CRPPA: variants seen among roughly 807,000 people sequenced by gnomAD.
CRPPA encodes the protein D-ribitol-5-phosphate cytidylyltransferase.
CRPPA carries 43 observed loss-of-function variants against 52.0 expected under a neutral mutation model. The observed-to-expected ratio is 0.83, with a 90% confidence interval of 0.65 to 1.07. The LOEUF is 1.07. CRPPA is among the 50% of genes least tolerant of loss of function. The pLI, the probability that CRPPA is intolerant of heterozygous loss-of-function variation, is 0.00. For synonymous variants in CRPPA, 250 were observed against 203.5 expected, an observed-to-expected ratio of 1.23 and a Z score of -1.94; for missense variants, 629 against 551.7, an observed-to-expected ratio of 1.14 and a Z score of -1.40.
At chr7:16,200,057 C>T (rs1186323401) in intron 9 of CRPPA, among the ~76,000 whole-genome samples, 1 of 152,002 alleles carries the variant, frequency 6.6e-6, no homozygotes, top group African/African-American at 2.4e-5. Flanking sequence ...GGGATTTTAC[C>T]ATGTTGGCCA....
In CRPPA at chr7:16,245,836, A is replaced by G. The variant is rs770791168; in HGVS notation, c.1119+12554T>C. On this transcript the variant is annotated intron_variant, in intron 8 of 9. Transcript: ENST00000407010. ...CCGTTACGTGCACAATAGCATTATG[A>G]CCAAACAATAATATACATATCTTAA... 5.0e-4 allele frequency among the ~76,000 whole-genome samples: 76 copies of G among 152,180 alleles called. 1 individual carries two copies. The highest frequency in any genetic ancestry group is 1.8e-3 in the Admixed American group (28 of 15,272).
intron 2 of CRPPA, among the ~76,000 whole-genome samples, chr7:16,392,954 G>A (rs750931807): frequency 6.6e-6 from 1 of 151,886 alleles, no homozygotes; most frequent in Non-Finnish European, 1.5e-5. Flanking sequence ...AACATTTCTT[G>A]ACCACTTTTT....
chr7:16,094,994 G>T (rs888632737), intron 9 of CRPPA, among the ~76,000 whole-genome samples: 1 of 152,112 alleles, frequency 6.6e-6, no homozygotes, highest in Non-Finnish European at 1.5e-5. Flanking sequence ...TATGCACTTT[G>T]TTAATAATAA....
chr7:16,359,630 A>G (rs1178829073), intron 3 of CRPPA, among the ~76,000 whole-genome samples: 1 of 152,196 alleles, frequency 6.6e-6, no homozygotes, highest in Non-Finnish European at 1.5e-5. Flanking sequence ...TATGCCTTTC[A>G]GTTAATTTTT....
chr7:16,191,742 T>C (rs1781616821), intron 9 of CRPPA, among the ~76,000 whole-genome samples: 1 of 152,108 alleles, frequency 6.6e-6, no homozygotes. Context: ...CCTTCAAATA[T>C]TTGGCTAAAT....
chr7:16,383,805 C>T (rs377510814), intron 2 of CRPPA, among the ~76,000 whole-genome samples: 10 of 152,342 alleles, frequency 6.6e-5, no homozygotes, highest in Admixed American at 2.0e-4. Flanking sequence ...AAGCCATGTG[C>T]GGGATATAAT....
intron 3 of CRPPA, among the ~76,000 whole-genome samples, chr7:16,328,211 T>C (rs933743024): frequency 2.0e-5 from 3 of 152,186 alleles, no homozygotes; most frequent in Admixed American, 6.5e-5. Context: ...CTGTAGTTTG[T>C]TGTTTTATTT....
chr7:16,266,485 T>G (rs1783956811), intron 6 of CRPPA, among the ~76,000 whole-genome samples: 1 of 150,738 alleles, frequency 6.6e-6, no homozygotes, highest in Non-Finnish European at 1.5e-5. Flanking sequence ...TGTTTTTCTT[T>G]TTTTTTTTTT....
At chr7:16,209,273 C>CTTTT (rs34795937) in intron 9 of CRPPA, 36 of 123,088 alleles carry the variant, frequency 2.9e-4, no homozygotes, top group South Asian at 1.3e-3. Flanking sequence ...TTCTAAGTGT[C>CTTTT]TTTTTTTTTT....
chr7:16,402,417 G>C (rs919403418), intron 2 of CRPPA, among the ~76,000 whole-genome samples: 1 of 152,142 alleles, frequency 6.6e-6, no homozygotes, highest in Non-Finnish European at 1.5e-5. Context: ...CAGAAATCCT[G>C]ATGATAAAGT....
At chr7:16,196,140 T>C (rs888856957) in intron 9 of CRPPA, among the ~76,000 whole-genome samples, 1 of 152,202 alleles carries the variant, frequency 6.6e-6, no homozygotes, top group African/African-American at 2.4e-5. Flanking sequence ...ATATGTTGTC[T>C]TTTTTACTTT....
intron 4 of CRPPA, among the ~76,000 whole-genome samples, chr7:16,306,675 T>C (rs555632905): frequency 2.6e-5 from 4 of 152,292 alleles, no homozygotes; most frequent in African/African-American, 9.6e-5. Context: ...TTCTTGGTCT[T>C]CAAATTAGGT....
intron 9 of CRPPA, among the ~76,000 whole-genome samples, chr7:16,169,902 G>T (rs1781143111): frequency 6.6e-6 from 1 of 152,122 alleles, no homozygotes; most frequent in East Asian, 1.9e-4. Flanking sequence ...GAACACAAAT[G>T]ATAATATTAA....
At chr7:16,225,404 CTTAA>C (rs1245550779) in intron 8 of CRPPA, among the ~76,000 whole-genome samples, 1 of 151,842 alleles carries the variant, frequency 6.6e-6, no homozygotes. Context: ...CTACAATTAC[CTTAA>C]TTAACATCTG....
chr7:16,295,410 C>A (rs1446909555), intron 5 of CRPPA, among the ~76,000 whole-genome samples: 1 of 152,004 alleles, frequency 6.6e-6, no homozygotes, highest in Non-Finnish European at 1.5e-5. Context: ...TCCAATTTTA[C>A]CTATTTTTCC....
intron 8 of CRPPA, among the ~76,000 whole-genome samples, chr7:16,251,721 T>C (rs772167016): frequency 1.6e-4 from 24 of 152,112 alleles, no homozygotes; most frequent in Non-Finnish European, 3.2e-4. Flanking sequence ...GGGACATATT[T>C]AAAGCAGTGT....
intron 8 of CRPPA, among the ~76,000 whole-genome samples, chr7:16,224,306 C>T (rs538474054): frequency 9.3e-4 from 141 of 152,108 alleles, no homozygotes; most frequent in Admixed American, 1.9e-3. Flanking sequence ...CTTCTGAGAA[C>T]GGATACATTA....
intron 1 of CRPPA, among the ~76,000 whole-genome samples, chr7:16,417,891 A>C (rs1357012762): frequency 1.3e-5 from 2 of 152,218 alleles, no homozygotes; most frequent in Non-Finnish European, 2.9e-5. Context: ...GACAGTGGTG[A>C]CACCCATTAT....
intron 4 of CRPPA, among the ~76,000 whole-genome samples, chr7:16,304,611 A>C (rs1225623372): frequency 6.6e-6 from 1 of 152,164 alleles, no homozygotes; most frequent in East Asian, 1.9e-4. Context: ...ACTGCACTCC[A>C]GCCTGGGTGA....
Sources: allele counts gnomAD v4.1 joint callset (sites outside exome capture counted in the v4.1 genomes callset), GRCh38; gene constraint gnomAD v4.1.1; transcripts MANE v1.5; gene names NCBI Gene and HGNC (gene_info 2026-07-23, HGNC 2026-07-21).